Variants in FEV observed in about 807,000 individuals in gnomAD.
The protein encoded by FEV is FEV transcription factor, ETS family member, also known as protein FEV.
Under a neutral mutation model 20.5 loss-of-function variants are expected in FEV, and 14 were observed. The observed-to-expected ratio is 0.68, with a 90% confidence interval of 0.45 to 1.07. FEV has a LOEUF of 1.07. FEV is among the 50% of genes least tolerant of loss of function. FEV has a pLI of 0.00. For missense variants in FEV, 301 were observed against 345.3 expected (o/e 0.87, Z 1.02); for synonymous variants, 188 against 163.7 (o/e 1.15, Z -1.13).
rs762057968 is a variant in FEV at position 218,981,961 on chromosome 2, G to C, written c.423C>G (p.His141Gln). The change falls in exon 3 of 3, where the codon CAC becomes CAG. Residue 141 changes from histidine to glutamine, a missense_variant. Coordinates refer to ENST00000295727, the MANE Select transcript of FEV (RefSeq NM_017521.3). The surrounding 1 kb of genome is among the most constrained non-coding windows in gnomAD (Gnocchi z 4.5). Reference protein sequence around the residue: ...LAQACQPPPAHAHAAAAAAAA... With the variant: ...LAQACQPPPAQAHAAAAAAAA... Reference sequence around the variant, plus strand: ...CAGCAGCTGCGGCGGCGGCATGAGCGTGCGCGGGCGGCGGCTGGCAGGCCT... The same window carrying C: ...CAGCAGCTGCGGCGGCGGCATGAGCCTGCGCGGGCGGCGGCTGGCAGGCCT... 1 of 1,558,400 alleles carries C rather than the reference G, an allele frequency of 6.4e-7. No individual in the cohort carries two copies. The highest frequency in any genetic ancestry group is 1.4e-5 in the African/African-American group (1 of 70,688).
At chr2:218,983,187 A>T (rs1057036583) in intron 2 of FEV, among the ~76,000 whole-genome samples, 1 of 152,078 alleles carries the variant, frequency 6.6e-6, no homozygotes, top group African/African-American at 2.4e-5. Flanking sequence ...TTTTTCCAGG[A>T]TATGCGAGTG....
In FEV at chr2:218,981,764, G is replaced by A; in HGVS notation, c.620C>T (p.Ala207Val). 7.9e-7 allele frequency: 1 copy of A among 1,270,848 alleles called. No homozygotes were observed. Among genetic ancestry groups the A allele is most frequent in the East Asian group, 3.1e-5 (1 of 32,150 alleles). The allele number at this position is 1,270,848 out of a possible 1,614,324, so 78.7% of individuals were successfully genotyped here. A position where few individuals can be genotyped will look rare whatever the true frequency, so the allele number is the denominator to read the frequency against. Residue 207 changes from alanine (A) to valine (V), a missense_variant, in exon 3 of 3, where the codon GCC becomes GTC. Coordinates refer to ENST00000295727, the MANE Select transcript of FEV (RefSeq NM_017521.3). The surrounding 1 kb of genome is among the most constrained non-coding windows in gnomAD (Gnocchi z 4.5). ...GPGPAATAAA[A>V]TAALYPSPSL... ...GGGACTGGGGTAGAGCGCGGCGGTGGCGGCGGCAGCGGTGGCGGCGGGGCC... is the reference window on the plus strand; with the variant it reads ...GGGACTGGGGTAGAGCGCGGCGGTGACGGCGGCAGCGGTGGCGGCGGGGCC...
Position 218,984,220 on chromosome 2 carries a change from G to C in FEV, c.127+11C>G. On this transcript the variant is annotated intron_variant, in intron 2 of 2. Transcript: ENST00000295727. The surrounding 1 kb of genome is among the most constrained non-coding windows in gnomAD (Gnocchi z 5.0). ...CCTCGCCTCCGCCGCCCAGCGCGCC[G>C]GCCATCTCACCTTTCTGAACCGCGG... 1 of 1,584,922 alleles carries C rather than the reference G, an allele frequency of 6.3e-7. No homozygotes were observed. The highest frequency in any genetic ancestry group is 8.6e-7 in the Non-Finnish European group (1 of 1,165,672).
chr2:218,983,040 G>C (rs956393753), intron 2 of FEV, among the ~76,000 whole-genome samples: 3 of 152,240 alleles, frequency 2.0e-5, no homozygotes, highest in African/African-American at 7.2e-5. Flanking sequence ...TGCCTACGAA[G>C]GTGCCATAGT....
Position 218,984,125 on chromosome 2 carries a change from G to C in FEV, c.127+106C>G. 8.7e-7 allele frequency: 1 copy of C among 1,148,912 alleles called. No individual in the cohort carries two copies. The highest frequency in any genetic ancestry group is 2.7e-5 in the East Asian group (1 of 37,662). 71.2% of individuals were successfully genotyped at this position (1,148,912 alleles called of 1,614,324 possible). A position where few individuals can be genotyped will look rare whatever the true frequency, so the allele number is the denominator to read the frequency against. ...CTCCGCACAACCAGGCCAGGACTCC[G>C]GGCTTCAGTGTGAACCCTGGGTCCA... On this transcript the variant is annotated intron_variant, in intron 2 of 2. Coordinates refer to ENST00000295727, the MANE Select transcript of FEV (RefSeq NM_017521.3). This position sits in a 1 kb window ranked among gnomAD's most constrained non-coding sequence, Gnocchi z 5.0.
rs553689168 is a variant in FEV at position 218,984,264 on chromosome 2, T to C, written c.94A>G (p.Ser32Gly). The change falls in exon 2 of 3, where the codon AGC becomes GGC. Residue 32 changes from serine to glycine, a missense_variant. Coordinates refer to ENST00000295727, the MANE Select transcript of FEV (RefSeq NM_017521.3). This position sits in a 1 kb window ranked among gnomAD's most constrained non-coding sequence, Gnocchi z 5.0. ...ACCGCGGGGCTCAGCGGCCCCCAGC[T>C]CGGGTTCTTCCCGTCCTTGAAGAGA... ...DGLFKDGKNPSWGPLSPAVQK... is the reference protein window; with the variant it reads ...DGLFKDGKNPGWGPLSPAVQK... 6.2e-7 allele frequency: 1 copy of C among 1,602,402 alleles called. No individual in the cohort carries two copies. Among genetic ancestry groups the C allele is most frequent in the Non-Finnish European group, 8.5e-7 (1 of 1,174,900 alleles).
In FEV at chr2:218,982,206, G is replaced by C; in HGVS notation, c.178C>G (p.Arg60Gly). 6.2e-7 allele frequency: 1 copy of C among 1,609,148 alleles called. No individual in the cohort carries two copies. The highest frequency in any genetic ancestry group is 8.5e-7 in the Non-Finnish European group (1 of 1,178,328). The change falls in exon 3 of 3, where the codon CGC becomes GGC. Residue 60 changes from arginine to glycine, a missense_variant. Physicochemically the swap from Arg to Gly is moderately radical, Grantham distance 125. Coordinates refer to ENST00000295727, the MANE Select transcript of FEV (RefSeq NM_017521.3). ...WQFLLELLAD[R>G]ANAGCIAWEG... ...CACGCGATGCAGCCGGCGTTCGCGC[G>C]GTCAGCCAGCAGCTCCAGCAGAAAC...
Position 218,984,463 on chromosome 2 carries a change from G to A in FEV, c.53-158C>T. On this transcript the variant is annotated intron_variant, in intron 1 of 2. Transcript: ENST00000295727. The surrounding 1 kb of genome is among the most constrained non-coding windows in gnomAD (Gnocchi z 5.0). Reference sequence around the variant, plus strand: ...GCTCCTCCTCCCGGAGCCTGGTCCAGGCGCGCTGCGCGGAGCCCCTCCATA... The same window carrying A: ...GCTCCTCCTCCCGGAGCCTGGTCCAAGCGCGCTGCGCGGAGCCCCTCCATA... 3.1e-6 allele frequency: 2 copies of A among 638,438 alleles called. No individual in the cohort carries two copies. Among genetic ancestry groups the A allele is most frequent in the Admixed American group, 3.2e-5 (1 of 31,626 alleles). 39.5% of individuals were successfully genotyped at this position (638,438 alleles called of 1,614,324 possible). A position where few individuals can be genotyped will look rare whatever the true frequency, so the allele number is the denominator to read the frequency against.
In FEV at chr2:218,982,122, C is replaced by T. The variant is rs979749462; in HGVS notation, c.262G>A (p.Gly88Ser). Residue 88 changes from glycine (G) to serine (S), a missense_variant, in exon 3 of 3, where the codon GGC becomes AGC. Transcript: ENST00000295727. ...TDPDEVARRW[G>S]ERKSKPNMNY... Reference sequence around the variant, plus strand: ...ATGTTGGGCTTGCTCTTGCGCTCGCCCCACCGCCGCGCCACCTCGTCCGGG... The same window carrying T: ...ATGTTGGGCTTGCTCTTGCGCTCGCTCCACCGCCGCGCCACCTCGTCCGGG... 4 of 1,613,562 alleles carry T rather than the reference C, an allele frequency of 2.5e-6. No individual in the cohort carries two copies. The highest frequency in any genetic ancestry group is 3.4e-6 in the Non-Finnish European group (4 of 1,179,886).
chr2:218,982,396 G>A (rs951986810), intron 2 of FEV, 140 bp from the exon 3 acceptor site: 3 of 774,510 alleles, frequency 3.9e-6, no homozygotes, highest in Non-Finnish European at 6.1e-6. Context: ...AGCTGCGTTC[G>A]GCGGGAGAGG....
At position 218,981,320 on chromosome 2, in the gene FEV, T is replaced by C. The variant is rs1299124024; in HGVS notation, c.*347A>G. ...AGATTTGGCACTCGTTAAAGAGTAG[T>C]GATATTGAATGGGGCTTCTAGGAGC... On this transcript the variant is annotated 3_prime_UTR_variant, in exon 3 of 3. Coordinates refer to ENST00000295727, the MANE Select transcript of FEV (RefSeq NM_017521.3). This position sits in a 1 kb window ranked among gnomAD's most constrained non-coding sequence, Gnocchi z 4.5. 1 of 265,752 alleles carries C rather than the reference T, an allele frequency of 3.8e-6. No individual in the cohort carries two copies. The highest frequency in any genetic ancestry group is 5.6e-5 in the East Asian group (1 of 17,870). The allele number at this position is 265,752 out of a possible 1,614,324, so 16.5% of individuals were successfully genotyped here. A position where few individuals can be genotyped will look rare whatever the true frequency, so the allele number is the denominator to read the frequency against.
rs746079638 is a variant in FEV at position 218,984,199 on chromosome 2, G to T, written c.127+32C>A. The T allele has an allele frequency of 1.3e-6, 2 of 1,560,662 alleles. No homozygotes were observed. The highest frequency in any genetic ancestry group is 8.7e-7 in the Non-Finnish European group (1 of 1,152,394). On this transcript the variant is annotated intron_variant, in intron 2 of 2. Transcript: ENST00000295727. This position sits in a 1 kb window ranked among gnomAD's most constrained non-coding sequence, Gnocchi z 5.0. ...CTGTGCCCTGACCCCAACCAACCTC[G>T]CCTCCGCCGCCCAGCGCGCCGGCCA...
chr2:218,981,883 G>T lies in FEV; in HGVS notation c.501C>A (p.Leu167=). 2 of 1,240,340 alleles carry T rather than the reference G, an allele frequency of 1.6e-6. No individual in the cohort carries two copies. The highest frequency in any genetic ancestry group is 1.6e-5 in the African/African-American group (1 of 63,690). 76.8% of individuals were successfully genotyped at this position (1,240,340 alleles called of 1,614,324 possible). Reference sequence around the variant, plus strand: ...AGAGGCCGGGGAAGGGCAGCGGGGCGAGGCCGGCGGGCAGCTTGTAGAGCG... The same window carrying T: ...AGAGGCCGGGGAAGGGCAGCGGGGCTAGGCCGGCGGGCAGCTTGTAGAGCG... The part of the protein sequence containing the change: ...DGALYKLPAG[L]APLPFPGLSK... Residue 167 remains leucine, a synonymous_variant, in exon 3 of 3, where the codon CTC becomes CTA. Transcript: ENST00000295727. The surrounding 1 kb of genome is among the most constrained non-coding windows in gnomAD (Gnocchi z 4.5).
chr2:218,981,821 G>A lies in FEV; in HGVS notation c.563C>T (p.Ala188Val). 3 of 1,240,260 alleles carry A rather than the reference G, an allele frequency of 2.4e-6. No individual in the cohort carries two copies. Among genetic ancestry groups the A allele is most frequent in the South Asian group, 3.8e-5 (1 of 26,112 alleles). 76.8% of individuals were successfully genotyped at this position (1,240,260 alleles called of 1,614,324 possible). Residue 188 changes from alanine to valine, a missense_variant, in exon 3 of 3, where the codon GCG (alanine) becomes GTG (valine). Transcript: ENST00000295727. This position sits in a 1 kb window ranked among gnomAD's most constrained non-coding sequence, Gnocchi z 4.5. ...CGGCCAGTAGGAGAAGCCGGCGGGC[G>A]CGACCCCGGCCGAGGCGGCCATGAG... ...LNLMAASAGVAPAGFSYWPGP... is the reference protein window; with the variant it reads ...LNLMAASAGVVPAGFSYWPGP...
At position 218,982,168 on chromosome 2, in the gene FEV, G is replaced by T; in HGVS notation, c.216C>A (p.His72Gln). 6.2e-7 allele frequency: 1 copy of T among 1,613,014 alleles called. No individual in the cohort carries two copies. The highest frequency in any genetic ancestry group is 8.5e-7 in the Non-Finnish European group (1 of 1,179,730). Residue 72 changes from histidine (H) to glutamine (Q), a missense_variant, in exon 3 of 3, where the codon CAC becomes CAA. Transcript: ENST00000295727. ...NAGCIAWEGG[H>Q]GEFKLTDPDE... Reference sequence around the variant, plus strand: ...CCGGGTCCGTGAGCTTGAACTCGCCGTGACCGCCCTCCCACGCGATGCAGC... The same window carrying T: ...CCGGGTCCGTGAGCTTGAACTCGCCTTGACCGCCCTCCCACGCGATGCAGC...
Position 218,981,911 on chromosome 2 carries a change from C to G in FEV, c.473G>C (p.Gly158Ala), listed in dbSNP as rs1346764848. ...AAAAAAAAQD[G>A]ALYKLPAGLA... Reference sequence around the variant, plus strand: ...GCCGGCGGGCAGCTTGTAGAGCGCGCCGTCCTGGGCGGCCGCGGCGGCGGC... The same window carrying G: ...GCCGGCGGGCAGCTTGTAGAGCGCGGCGTCCTGGGCGGCCGCGGCGGCGGC... The change falls in exon 3 of 3, where the codon GGC becomes GCC. Residue 158 changes from glycine (G) to alanine (A), a missense_variant. Transcript: ENST00000295727. This position sits in a 1 kb window ranked among gnomAD's most constrained non-coding sequence, Gnocchi z 4.5. 1 of 1,262,200 alleles carries G rather than the reference C, an allele frequency of 7.9e-7. No homozygotes were observed. Among genetic ancestry groups the G allele is most frequent in the Non-Finnish European group, 9.9e-7 (1 of 1,008,602 alleles). The allele number at this position is 1,262,200 out of a possible 1,614,324, so 78.2% of individuals were successfully genotyped here.
At position 218,981,988 on chromosome 2, in the gene FEV, C is replaced by G. The variant is rs751360431; in HGVS notation, c.396G>C (p.Ala132=). The stretch of plus-strand genomic sequence containing the variant: ...GCGCGGGCGGCGGCTGGCAGGCCTG[C>G]GCCAGGCCCTGGAAGTCGAAGCGGT... ...YAYRFDFQGL[A]QACQPPPAHA... Residue 132 remains alanine, a synonymous_variant, in exon 3 of 3, where the codon GCG becomes GCC. Transcript: ENST00000295727. The surrounding 1 kb of genome is among the most constrained non-coding windows in gnomAD (Gnocchi z 4.5). 4.4e-6 allele frequency: 7 copies of G among 1,607,338 alleles called. No individual in the cohort carries two copies. The African/African-American group carries it at 8.1e-5, about 19-fold the overall frequency.
Position 218,985,058 on chromosome 2 carries a change from G to A in FEV, c.18C>T (p.Ala6=). The A allele has an allele frequency of 1.3e-6, 2 of 1,559,378 alleles. No homozygotes were observed. Among genetic ancestry groups the A allele is most frequent in the Non-Finnish European group, 1.7e-6 (2 of 1,152,102 alleles). The change falls in exon 1 of 3, where the codon GCC becomes GCT. Residue 6 remains alanine, a synonymous_variant. Transcript: ENST00000295727. ...ACATGTTGATCAGCAGGGGCTGGGA[G>A]GCGCCGCTCTGTCTCATCGCCGCCG... MRQSG[A]SQPLLINMYL...
chr2:218,985,047 A>T lies in FEV; in HGVS notation c.29T>A (p.Leu10Gln), dbSNP rs867920305. The change falls in exon 1 of 3, where the codon CTG (leucine) becomes CAG (glutamine). Residue 10 changes from leucine (L) to glutamine (Q), a missense_variant. By Grantham distance (113) the Leu-to-Gln change is moderately radical. Transcript: ENST00000295727. Reference protein sequence around the residue: MRQSGASQPLLINMYLPDPV... With the variant: MRQSGASQPQLINMYLPDPV... The stretch of plus-strand genomic sequence containing the variant: ...ACCTGGCAGGTACATGTTGATCAGC[A>T]GGGGCTGGGAGGCGCCGCTCTGTCT... The T allele has an allele frequency of 6.4e-7, 1 of 1,557,492 alleles. No individual in the cohort carries two copies. The highest frequency in any genetic ancestry group is 8.7e-7 in the Non-Finnish European group (1 of 1,150,904).
Sources: allele counts gnomAD v4.1 joint callset (sites outside exome capture counted in the v4.1 genomes callset), GRCh38; gene constraint gnomAD v4.1.1; non-coding constraint Gnocchi (gnomAD v3.1); transcripts MANE v1.5; gene names NCBI Gene and HGNC (gene_info 2026-07-23, HGNC 2026-07-21).